Variants in SEMA3D observed in about 807,000 individuals in gnomAD.
The protein encoded by SEMA3D is semaphorin-3D.
Under a neutral mutation model 100.1 loss-of-function variants are expected in SEMA3D, and 84 were observed. The observed-to-expected ratio is 0.84, with a 90% CI of 0.70 to 1.01. The LOEUF (loss-of-function observed/expected upper bound fraction) is 1.01. SEMA3D is among the 50% of genes least tolerant of loss of function. SEMA3D has a pLI of 0.00. For missense variants in SEMA3D, 875 were observed against 934.1 expected (o/e 0.94, Z 0.82); for synonymous variants, 312 against 320.7 (o/e 0.97, Z 0.29).
chr7:85,249,071 G>C, the SEMA3D span, among the ~76,000 whole-genome samples: 3 of 152,270 alleles, frequency 2.0e-5, no homozygotes, highest in African/African-American at 7.2e-5. Flanking sequence ...GGTTATGCAT[G>C]TGTGGGAACA....
At chr7:85,010,422 A>G (rs772696614) in intron 17 of SEMA3D, among the ~76,000 whole-genome samples, 20 of 151,806 alleles carry the variant, frequency 1.3e-4, no homozygotes, top group Admixed American at 6.6e-4. Flanking sequence ...TAAGTGGGGT[A>G]CAGACAGAAG....
intron 9 of SEMA3D, among the ~76,000 whole-genome samples, chr7:85,055,383 T>C (rs1430894622): frequency 6.6e-6 from 1 of 151,742 alleles, no homozygotes; most frequent in Admixed American, 6.6e-5. Context: ...AGAATAGACC[T>C]TCAATAAAAG....
At chr7:85,084,415 G>T (rs756074306) in intron 4 of SEMA3D, among the ~76,000 whole-genome samples, 1 of 152,000 alleles carries the variant, frequency 6.6e-6, no homozygotes, top group Non-Finnish European at 1.5e-5. Context: ...TGTACTTGCT[G>T]GTTCTTCAAT....
chr7:85,107,941 G>A (rs549445661), intron 3 of SEMA3D, among the ~76,000 whole-genome samples: 7 of 151,936 alleles, frequency 4.6e-5, no homozygotes, highest in Non-Finnish European at 4.4e-5. Flanking sequence ...TCTCTCCCAC[G>A]TGATGCTGCC....
At chr7:85,216,156 A>C in the SEMA3D span, among the ~76,000 whole-genome samples, 1 of 151,994 alleles carries the variant, frequency 6.6e-6, no homozygotes, top group Non-Finnish European at 1.5e-5. Flanking sequence ...CAAAGTCCTA[A>C]TTTTTGCCTG....
At chr7:85,225,061 T>C in the SEMA3D span, among the ~76,000 whole-genome samples, 1 of 2,820 alleles carries the variant, frequency 3.5e-4, no homozygotes. Flanking sequence ...TATATATATA[T>C]ATATATATAT....
chr7:85,168,617 ATTTTTTT>A (rs3076565), intron 1 of SEMA3D, among the ~76,000 whole-genome samples: 66 of 135,350 alleles, frequency 4.9e-4, no homozygotes, highest in African/African-American at 1.6e-3. Flanking sequence ...GGTTTCTGCA[ATTTTTTT>A]TTTTTTTTTT....
At chr7:85,059,648 C>T (rs372350554) in intron 8 of SEMA3D, among the ~76,000 whole-genome samples, 5 of 151,896 alleles carry the variant, frequency 3.3e-5, no homozygotes, top group South Asian at 4.2e-4. Context: ...GATTCGAAAC[C>T]GAAAAGCAGA....
chr7:85,014,358 A>G (rs2115799845), intron 16 of SEMA3D, among the ~76,000 whole-genome samples: 1 of 152,028 alleles, frequency 6.6e-6, no homozygotes, highest in East Asian at 1.9e-4. Flanking sequence ...ATCGATGGGC[A>G]TTCATATTGT....
intron 18 of SEMA3D, among the ~76,000 whole-genome samples, chr7:85,001,880 T>C (rs1013691421): frequency 6.6e-6 from 1 of 152,158 alleles, no homozygotes; most frequent in Non-Finnish European, 1.5e-5. Flanking sequence ...AAAGTGGATA[T>C]CTCCACTTCT....
At chr7:85,249,334 A>C in the SEMA3D span, among the ~76,000 whole-genome samples, 1 of 152,190 alleles carries the variant, frequency 6.6e-6, no homozygotes, top group East Asian at 1.9e-4. Context: ...TGACACAGGA[A>C]AGAAGAGCCG....
intron 8 of SEMA3D, among the ~76,000 whole-genome samples, chr7:85,058,641 G>A (rs1311392373): frequency 6.6e-6 from 1 of 151,410 alleles, no homozygotes; most frequent in Non-Finnish European, 1.5e-5. Flanking sequence ...CCAGCTACTC[G>A]GGAGGCTGAG....
chr7:85,193,244 T>C, the SEMA3D span, among the ~76,000 whole-genome samples: 1 of 152,092 alleles, frequency 6.6e-6, no homozygotes, highest in African/African-American at 2.4e-5. Context: ...AAAACCTGCA[T>C]GGAAATTCAC....
intron 8 of SEMA3D, among the ~76,000 whole-genome samples, chr7:85,060,382 T>A (rs554154547): frequency 6.6e-6 from 1 of 152,152 alleles, no homozygotes. Context: ...ATGTTAGTAT[T>A]TTATGACAGA....
the SEMA3D span, among the ~76,000 whole-genome samples, chr7:85,245,247 C>G: frequency 6.6e-6 from 1 of 151,990 alleles, no homozygotes; most frequent in Admixed American, 6.6e-5. Context: ...GATCATTGGA[C>G]AATATAGAAC....
intron 2 of SEMA3D, among the ~76,000 whole-genome samples, chr7:85,122,715 C>T (rs1369779426): frequency 6.6e-6 from 1 of 152,112 alleles, no homozygotes; most frequent in Non-Finnish European, 1.5e-5. Flanking sequence ...TTAATTAGGT[C>T]AGGGCCCCAG....
intron 6 of SEMA3D, 74 bp from the exon 7 acceptor site, chr7:85,068,358 C>T: frequency 1.3e-6 from 1 of 798,648 alleles, no homozygotes; most frequent in South Asian, 1.5e-5. Flanking sequence ...GAGATACAAA[C>T]TAAATTCCAA....
intron 1 of SEMA3D, chr7:85,181,892 T>C (rs1324595238): frequency 7.6e-6 from 2 of 262,536 alleles, no homozygotes; most frequent in Non-Finnish European, 1.2e-5. Context: ...ATCATCAAAA[T>C]TATTAAAATG....
rs948698418 is a variant in SEMA3D, at chr7:84,997,097, A to T, written c.*2343T>A. The stretch of plus-strand genomic sequence containing the variant: ...CAAGAGTATTGTATCCAAAGCAGCC[A>T]GAATATTAGATGTGGTCATAAAATA... On this transcript the variant is annotated 3_prime_UTR_variant, in exon 19 of 19. Coordinates refer to ENST00000284136, the MANE Select transcript of SEMA3D (RefSeq NM_001384900.1). 6.6e-5 allele frequency: 10 copies of T among 152,014 alleles called. No homozygotes were observed. The highest frequency in any genetic ancestry group is 9.7e-5 in the African/African-American group (4 of 41,448). 9.4% of individuals were successfully genotyped at this position (152,014 alleles called of 1,614,324 possible). A position where few individuals can be genotyped will look rare whatever the true frequency, so the allele number is the denominator to read the frequency against.
Sources: gnomAD v4.1 joint callset for allele counts (sites outside exome capture counted in the v4.1 genomes callset) on GRCh38, gnomAD v4.1.1 for gene constraint, MANE v1.5 for transcripts, NCBI Gene and HGNC (gene_info 2026-07-23, HGNC 2026-07-21) for gene names.